LUC7L2: variants seen among roughly 807,000 people sequenced by gnomAD.
LUC7L2 encodes the protein putative RNA-binding protein Luc7-like 2.
In LUC7L2, 25 loss-of-function variants were observed where a neutral mutation model predicts 52.8. That is an observed-to-expected ratio of 0.47 (90% CI 0.34 to 0.66). The LOEUF is 0.66. Ranked by LOEUF, LUC7L2 falls within the 30% of genes least tolerant of loss-of-function variation. The pLI is 0.01. For synonymous variants in LUC7L2, 144 were observed against 160.9 expected (o/e 0.89, Z 0.80); for missense variants, 328 against 497.8 (o/e 0.66, Z 3.25).
chr7:139,394,593 C>T (rs893591294), intron 2 of LUC7L2, among the ~76,000 whole-genome samples: 2 of 152,076 alleles, frequency 1.3e-5, no homozygotes, highest in African/African-American at 4.8e-5. Context: ...TTATGTGTTA[C>T]TTTTAAGTTT....
chr7:139,371,383 T>C (rs1197435673), intron 1 of LUC7L2: 1 of 993,112 alleles, frequency 1.0e-6, no homozygotes, highest in South Asian at 1.4e-5. Context: ...TCACTTTTGC[T>C]TAGCCTTCAC....
In LUC7L2 at chr7:139,376,172, ATGTAT is replaced by A. The variant is rs1168128200; in HGVS notation, c.156+20_156+24del. 1 of 1,612,342 alleles carries A rather than the reference ATGTAT, an allele frequency of 6.2e-7. No individual in the cohort carries two copies. Among genetic ancestry groups the A allele is most frequent in the Non-Finnish European group, 8.5e-7 (1 of 1,178,838 alleles). On this transcript the variant is annotated intron_variant, in intron 2 of 9. Coordinates refer to ENST00000354926, the MANE Select transcript of LUC7L2 (RefSeq NM_016019.5). ...TTCTGGAACTGTATGTATTTACTAA[ATGTAT>A]TGTTAGATTACTGATATGCTGCAGT...
chr7:139,360,660 C>T lies in LUC7L2; in HGVS notation c.61+338C>T, dbSNP rs555684143. Among the ~76,000 whole-genome samples the T allele has an allele frequency of 1.6e-4, 25 of 152,282 alleles. No individual in the cohort carries two copies. The South Asian group carries it at 5.0e-3, about 30-fold the overall frequency. The stretch of plus-strand genomic sequence containing the variant: ...GCCCGTTTTGTCGCTGGTTAGGTAC[C>T]TGCGGAAAGCTAAGGCCTCCACCCC... On this transcript the variant is annotated intron_variant, in intron 1 of 9. Coordinates refer to ENST00000354926, the MANE Select transcript of LUC7L2 (RefSeq NM_016019.5).
intron 1 of LUC7L2, among the ~76,000 whole-genome samples, chr7:139,368,298 T>C (rs750295695): frequency 6.6e-6 from 1 of 152,238 alleles, no homozygotes; most frequent in Non-Finnish European, 1.5e-5. Context: ...AGAATTACAC[T>C]TGAATGTTTA....
At chr7:139,410,945 T>TGAGA (rs111728038) in intron 7 of LUC7L2, among the ~76,000 whole-genome samples, 50 of 151,888 alleles carry the variant, frequency 3.3e-4, no homozygotes, top group Non-Finnish European at 5.9e-5. Flanking sequence ...AGTCCTCTAT[T>TGAGA]GAGAGAGAGA....
At chr7:139,416,138 A>G (rs1356532171) in intron 8 of LUC7L2, 1 of 124,782 alleles carries the variant, frequency 8.0e-6, no homozygotes, top group Non-Finnish European at 1.6e-5. Flanking sequence ...AAGCTGTGCA[A>G]CTATCACCAT....
chr7:139,401,868 C>T (rs1354832144), intron 3 of LUC7L2, among the ~76,000 whole-genome samples: 1 of 151,868 alleles, frequency 6.6e-6, no homozygotes, highest in East Asian at 1.9e-4. Flanking sequence ...GTTCCTTCCG[C>T]CTCAGCCTCC....
At chr7:139,408,992 T>C (rs1795236545) in intron 6 of LUC7L2, among the ~76,000 whole-genome samples, 1 of 151,116 alleles carries the variant, frequency 6.6e-6, no homozygotes, top group African/African-American at 2.4e-5. Flanking sequence ...CACTAAAAAA[T>C]ATTAATAGAA....
chr7:139,371,601 T>G, intron 1 of LUC7L2: 1 of 1,102,276 alleles, frequency 9.1e-7, no homozygotes. Context: ...ATGCAAAGTA[T>G]AAAATCATGT....
chr7:139,405,860 C>T, intron 5 of LUC7L2, 73 bp downstream of exon 5: 1 of 1,484,214 alleles, frequency 6.7e-7, no homozygotes, highest in East Asian at 2.5e-5. Context: ...GTAGATGAAA[C>T]TTCAGTATCT....
intron 1 of LUC7L2, among the ~76,000 whole-genome samples, chr7:139,352,698 T>C (rs1159388303): frequency 6.6e-6 from 1 of 152,180 alleles, no homozygotes; most frequent in African/African-American, 2.4e-5. Context: ...AAGTATTGAG[T>C]TCCTTGTCTG....
chr7:139,392,686 G>A (rs866127603), intron 2 of LUC7L2: 15 of 194,108 alleles, frequency 7.7e-5, no homozygotes, highest in African/African-American at 2.6e-4. Context: ...ATGGAGTTTC[G>A]CTCTTGTTGC....
intron 1 of LUC7L2, among the ~76,000 whole-genome samples, chr7:139,347,684 T>C (rs1326911755): frequency 8.3e-6 from 1 of 119,870 alleles, no homozygotes; most frequent in Non-Finnish European, 1.6e-5. Context: ...TTCGACTGAA[T>C]GTATAAAAAA....
chr7:139,403,845 C>T (rs543104799), intron 4 of LUC7L2, among the ~76,000 whole-genome samples: 48 of 152,312 alleles, frequency 3.2e-4, no homozygotes, highest in Admixed American at 8.5e-4. Flanking sequence ...CTAGCCTGGC[C>T]GTGTTCTCAT....
upstream of LUC7L2, among the ~76,000 whole-genome samples, chr7:139,357,282 G>A (rs1429767265): frequency 1.3e-5 from 2 of 152,118 alleles, no homozygotes; most frequent in Non-Finnish European, 2.9e-5. Context: ...CCCAAACACA[G>A]GAGTAATTAC....
At chr7:139,373,811 A>G in intron 1 of LUC7L2, among the ~76,000 whole-genome samples, 1 of 152,258 alleles carries the variant, frequency 6.6e-6, no homozygotes, top group East Asian at 1.9e-4. Context: ...GGCCTGAGCC[A>G]TTAGTTTAAC....
intron 4 of LUC7L2, among the ~76,000 whole-genome samples, chr7:139,404,107 T>C (rs1020543287): frequency 6.6e-6 from 1 of 152,182 alleles, no homozygotes; most frequent in Non-Finnish European, 1.5e-5. Context: ...GATAATAGAA[T>C]TGGACTCTCA....
chr7:139,370,347 G>A (rs1206256834), intron 1 of LUC7L2, among the ~76,000 whole-genome samples: 1 of 152,204 alleles, frequency 6.6e-6, no homozygotes, highest in Non-Finnish European at 1.5e-5. Context: ...TAGAGTGGGT[G>A]AGAAAGTTTG....
upstream of LUC7L2, among the ~76,000 whole-genome samples, chr7:139,357,992 A>C (rs573189727): frequency 3.0e-3 from 461 of 151,652 alleles, 3 homozygotes; most frequent in African/African-American, 0.011. Context: ...GTCCGACCTC[A>C]AAAATTTTCA....
Sources: gnomAD v4.1 joint callset for allele counts (sites outside exome capture counted in the v4.1 genomes callset) on GRCh38, gnomAD v4.1.1 for gene constraint, MANE v1.5 for transcripts, NCBI Gene and HGNC (gene_info 2026-07-23, HGNC 2026-07-21) for gene names.